The following TNKS variants were observed in gnomAD, a reference collection of about 807,000 sequenced individuals.
TNKS encodes the protein tankyrase, also known as poly [ADP-ribose] polymerase tankyrase-1.
In TNKS, 72 loss-of-function variants were observed where a neutral mutation model predicts 135.8. That is an observed-to-expected ratio of 0.53 (90% CI 0.44 to 0.64). The LOEUF is 0.64. TNKS is among the 30% of genes least tolerant of loss of function. The probability of loss-of-function intolerance (pLI) is 0.00; values close to 1 mark genes in which losing one functional copy is unlikely to be tolerated. For synonymous variants in TNKS, 849 were observed against 649.3 expected (o/e 1.31, Z -4.68); for missense variants, 1,769 against 1,674.0 (o/e 1.06, Z -0.99).
At chr8:9,628,431 CCT>C (rs1188446077) in intron 3 of TNKS, among the ~76,000 whole-genome samples, 1 of 152,004 alleles carries the variant, frequency 6.6e-6, no homozygotes, top group Non-Finnish European at 1.5e-5. Context: ...TCTCGTGGAG[CCT>C]CTCAGCAGCA....
chr8:9,705,350 G>T (rs1179807396), intron 6 of TNKS, among the ~76,000 whole-genome samples: 1 of 152,174 alleles, frequency 6.6e-6, no homozygotes, highest in Admixed American at 6.5e-5. Context: ...GTCCTATGTG[G>T]TGGACTAACA....
chr8:9,651,330 T>C (rs1387947618), intron 3 of TNKS, among the ~76,000 whole-genome samples: 1 of 152,212 alleles, frequency 6.6e-6, no homozygotes, highest in Non-Finnish European at 1.5e-5. Flanking sequence ...TTTACTTTAA[T>C]ATAAGGATAG....
At chr8:9,766,778 C>T (rs942275960) in intron 25 of TNKS, among the ~76,000 whole-genome samples, 13 of 152,192 alleles carry the variant, frequency 8.5e-5, no homozygotes, top group African/African-American at 3.1e-4. Context: ...GCCACCGTGC[C>T]CAGCCCCAAA....
intron 2 of TNKS, among the ~76,000 whole-genome samples, chr8:9,608,037 C>G (rs1397992734): frequency 1.3e-5 from 2 of 152,126 alleles, no homozygotes; most frequent in African/African-American, 4.8e-5. Flanking sequence ...CCTCCTGAGG[C>G]TCAAGCGATC....
chr8:9,772,312 G>A (rs1277051070), intron 26 of TNKS: 11 of 449,146 alleles, frequency 2.4e-5, no homozygotes, highest in Admixed American at 1.7e-4. Flanking sequence ...GCCTTGACCA[G>A]ATAATCAAAA....
Position 9,780,696 on chromosome 8 carries a change from A to G in TNKS, c.*3960A>G, listed in dbSNP as rs979951149. On this transcript the variant is annotated 3_prime_UTR_variant, in exon 27 of 27. Coordinates refer to ENST00000310430, the MANE Select transcript of TNKS (RefSeq NM_003747.3). The stretch of plus-strand genomic sequence containing the variant: ...AACCTTTTATATTTTAATAAATAAA[A>G]CATTGTAGTCCCATTTCTTAGTGTT... 3 of 152,222 alleles carry G rather than the reference A, an allele frequency of 2.0e-5. No individual in the cohort carries two copies. The highest frequency in any genetic ancestry group is 4.8e-5 in the African/African-American group (2 of 41,468). 9.4% of individuals were successfully genotyped at this position (152,222 alleles called of 1,614,324 possible). A position where few individuals can be genotyped will look rare whatever the true frequency, so the allele number is the denominator to read the frequency against.
In TNKS at chr8:9,717,099, ATATT is replaced by A. The variant is rs1174658975; in HGVS notation, c.1750-3273_1750-3270del. Reference sequence around the variant, plus strand: ...TATATATATATATATATATATATATATATTTTCAGGGAATTTGATTGTTTCTTTT... The same window carrying A: ...TATATATATATATATATATATATATATTCAGGGAATTTGATTGTTTCTTTT... On this transcript the variant is annotated intron_variant, in intron 11 of 26. Coordinates refer to ENST00000310430, the MANE Select transcript of TNKS (RefSeq NM_003747.3). Among the ~76,000 whole-genome samples, 28 of 124,512 alleles carry A rather than the reference ATATT, an allele frequency of 2.2e-4. 1 individual carries two copies. Among genetic ancestry groups the A allele is most frequent in the South Asian group, 1.3e-3 (5 of 3,804 alleles). 81.7% of individuals were successfully genotyped at this position (124,512 alleles called of 152,430 possible).
rs71201959 is a variant in TNKS at position 9,649,878 on chromosome 8, C to CTTTTTTT, written c.995-30050_995-30044dup. Among the ~76,000 whole-genome samples the CTTTTTTT allele has an allele frequency of 3.0e-4, 25 of 83,366 alleles. 1 individual carries two copies. The highest frequency in any genetic ancestry group is 1.1e-3 in the African/African-American group (21 of 18,786). 54.7% of individuals were successfully genotyped at this position (83,366 alleles called of 152,430 possible). On this transcript the variant is annotated intron_variant, in intron 3 of 26. Transcript: ENST00000310430. ...CACAGTTCTTTCTTTCTTTTCTTTT[C>CTTTTTTT]TTTTTTTTTTTTTTTTTTTTTTTTT...
intron 11 of TNKS, among the ~76,000 whole-genome samples, chr8:9,710,927 A>G (rs1804299131): frequency 6.6e-6 from 1 of 152,104 alleles, no homozygotes; most frequent in African/African-American, 2.4e-5. Flanking sequence ...TCAGATTTGT[A>G]ATAATTTTCT....
Position 9,766,417 on chromosome 8 carries a change from A to C in TNKS, c.3732A>C (p.Ile1244=), listed in dbSNP as rs1807448672. The C allele has an allele frequency of 6.3e-7, 1 of 1,587,594 alleles. No individual in the cohort carries two copies. Among genetic ancestry groups the C allele is most frequent in the Admixed American group, 1.7e-5 (1 of 58,118 alleles). ...CACACAAGGACAGGTCATGCTATAT[A>C]TGTCACAGGTAAGCATCTTGCCATT... ...CPTHKDRSCY[I]CHRQMLFCRV... is the part of the protein sequence containing the mutation. The change falls in exon 25 of 27, where the codon ATA becomes ATC. Residue 1244 remains isoleucine, a synonymous_variant. Transcript: ENST00000310430.
intron 18 of TNKS, 35 bp downstream of exon 18, chr8:9,748,247 T>G: frequency 4.2e-6 from 6 of 1,418,704 alleles, no homozygotes; most frequent in Non-Finnish European, 5.6e-6. Context: ...TTATTGTTCC[T>G]TCTACTTTCA....
At chr8:9,775,339 G>A (rs370124046) in intron 26 of TNKS, among the ~76,000 whole-genome samples, 1 of 151,428 alleles carries the variant, frequency 6.6e-6, no homozygotes, top group Admixed American at 6.6e-5. Flanking sequence ...AGATTGGAAA[G>A]TCAGGAGAGA....
intron 2 of TNKS, among the ~76,000 whole-genome samples, chr8:9,586,253 C>T (rs1029948393): frequency 6.6e-6 from 1 of 152,046 alleles, no homozygotes; most frequent in Admixed American, 6.5e-5. Context: ...AGCAAATTGG[C>T]TTCTTAGGGG....
At chr8:9,563,548 A>G (rs1249976433) in intron 1 of TNKS, among the ~76,000 whole-genome samples, 1 of 152,102 alleles carries the variant, frequency 6.6e-6, no homozygotes, top group African/African-American at 2.4e-5. Context: ...TATGGGTTGT[A>G]GTTTGCTGAC....
Position 9,642,095 on chromosome 8 carries a change from G to T in TNKS, c.994+26418G>T, listed in dbSNP as rs13260943. Among the ~76,000 whole-genome samples the T allele has an allele frequency of 4.1e-5, 6 of 145,164 alleles. No individual in the cohort carries two copies. In the East Asian group the frequency reaches 8.6e-4, roughly 21 times the overall value. On this transcript the variant is annotated intron_variant, in intron 3 of 26. Coordinates refer to ENST00000310430, the MANE Select transcript of TNKS (RefSeq NM_003747.3). Reference sequence around the variant, plus strand: ...TTTATCAAGATGAGAAAACTTTAGCGTCTAAAGAATCTGAAAATAGCCTGG... The same window carrying T: ...TTTATCAAGATGAGAAAACTTTAGCTTCTAAAGAATCTGAAAATAGCCTGG...
intron 1 of TNKS, chr8:9,575,072 G>C (rs1563394072): frequency 2.0e-6 from 2 of 985,092 alleles, no homozygotes; most frequent in East Asian, 1.1e-4. Context: ...TGTGAGACAA[G>C]TGAATCTCTC....
intron 5 of TNKS, among the ~76,000 whole-genome samples, chr8:9,685,494 A>G (rs1369674923): frequency 6.6e-6 from 1 of 152,162 alleles, no homozygotes; most frequent in Non-Finnish European, 1.5e-5. Context: ...GAAACTTTCA[A>G]ATGTATCTAG....
intron 1 of TNKS, among the ~76,000 whole-genome samples, chr8:9,579,355 A>G (rs1432625246): frequency 1.3e-5 from 2 of 152,166 alleles, no homozygotes; most frequent in Non-Finnish European, 2.9e-5. Flanking sequence ...CCTTTGACCA[A>G]GCGTTCACCA....
At position 9,636,203 on chromosome 8, in the gene TNKS, G is replaced by C. The variant is rs1395595567; in HGVS notation, c.994+20526G>C. ...GCACATGGGCAGATGATTATAAGTA[G>C]GTGAGATGGAGGATATGGAGGAGCC... On this transcript the variant is annotated intron_variant, in intron 3 of 26. Transcript: ENST00000310430. 2.6e-5 allele frequency among the ~76,000 whole-genome samples: 4 copies of C among 152,160 alleles called. No individual in the cohort carries two copies. In the East Asian group the frequency reaches 5.8e-4, roughly 22 times the overall value.
Sources: gnomAD v4.1 joint callset for allele counts (sites outside exome capture counted in the v4.1 genomes callset) on GRCh38, gnomAD v4.1.1 for gene constraint, MANE v1.5 for transcripts, NCBI Gene and HGNC (gene_info 2026-07-23, HGNC 2026-07-21) for gene names.